Variants in MANBA observed in about 807,000 individuals in gnomAD.
The protein encoded by MANBA is mannosidase beta, also known as beta-mannosidase.
A neutral mutation model predicts 111.1 loss-of-function variants in MANBA; 83 were observed. That is an observed-to-expected ratio of 0.75 (90% CI 0.63 to 0.90). The LOEUF (loss-of-function observed/expected upper bound fraction) is 0.90. Ranked by LOEUF, MANBA falls within the 40% of genes least tolerant of loss-of-function variation. MANBA has a pLI of 0.00. For synonymous variants in MANBA, 370 were observed against 378.7 expected, an observed-to-expected ratio of 0.98 and a Z score of 0.27; for missense variants, 1,036 against 1,069.0, an observed-to-expected ratio of 0.97 and a Z score of 0.43.
At chr4:102,742,731 T>C (rs888134000) in intron 1 of MANBA, among the ~76,000 whole-genome samples, 6 of 152,170 alleles carry the variant, frequency 3.9e-5, no homozygotes, top group African/African-American at 7.2e-5. Context: ...GGCAGAAGCA[T>C]TGCGTGCAGG....
At chr4:102,737,048 G>A (rs1012424178) in intron 1 of MANBA, among the ~76,000 whole-genome samples, 18 of 152,132 alleles carry the variant, frequency 1.2e-4, no homozygotes, top group African/African-American at 2.9e-4. Context: ...AAGAAGCACC[G>A]GAAAGAGCGA....
At chr4:102,657,486 C>T (rs1730616259) in intron 12 of MANBA, among the ~76,000 whole-genome samples, 196 bp downstream of exon 12, 2 of 152,090 alleles carry the variant, frequency 1.3e-5, no homozygotes, top group African/African-American at 4.8e-5. Context: ...TTTCGGTGCT[C>T]CTGAAGGAAC....
chr4:102,713,098 T>A (rs1003241439), intron 5 of MANBA, among the ~76,000 whole-genome samples: 1 of 152,214 alleles, frequency 6.6e-6, no homozygotes, highest in African/African-American at 2.4e-5. Context: ...AATCTAAGCA[T>A]CTATCATTTG....
chr4:102,680,189 G>T (rs73836823), intron 7 of MANBA, among the ~76,000 whole-genome samples: 8,020 of 152,028 alleles, frequency 0.053, 631 homozygotes, highest in African/African-American at 0.18. Context: ...CTTATATTTT[G>T]TTGTTGCACA....
intron 13 of MANBA, among the ~76,000 whole-genome samples, chr4:102,647,233 C>A (rs1730143047): frequency 6.8e-6 from 1 of 148,042 alleles, no homozygotes. Flanking sequence ...TGATTTCTTT[C>A]ATCACAGATA....
Position 102,640,989 on chromosome 4 carries a change from C to T in MANBA, c.1870-1132G>A, listed in dbSNP as rs569637652. Among the ~76,000 whole-genome samples, 7 of 152,270 alleles carry T rather than the reference C, an allele frequency of 4.6e-5. No homozygotes were observed. The South Asian group carries it at 1.0e-3, about 23-fold the overall frequency. Reference sequence around the variant, plus strand: ...TGCCAGAAAAAAATGATACAGCCCACCATATGGAGCTTATCAGCTTGTGTA... The same window carrying T: ...TGCCAGAAAAAAATGATACAGCCCATCATATGGAGCTTATCAGCTTGTGTA... On this transcript the variant is annotated intron_variant, in intron 13 of 16. Transcript: ENST00000647097.
At chr4:102,685,237 A>G (rs759324371) in intron 7 of MANBA, among the ~76,000 whole-genome samples, 33 of 152,018 alleles carry the variant, frequency 2.2e-4, no homozygotes, top group South Asian at 4.1e-4. Context: ...CTGAGTGTTC[A>G]TTTTCTCATA....
chr4:102,712,394 A>C (rs1247524647), intron 5 of MANBA, among the ~76,000 whole-genome samples: 3 of 152,246 alleles, frequency 2.0e-5, no homozygotes, highest in Non-Finnish European at 4.4e-5. Flanking sequence ...TTGTAAATTA[A>C]ACCAGAGCAG....
chr4:102,719,016 T>G lies in MANBA; in HGVS notation c.549+3855A>C, dbSNP rs111358269. 7.6e-4 allele frequency among the ~76,000 whole-genome samples: 116 copies of G among 152,304 alleles called. 1 individual carries two copies. Among genetic ancestry groups the G allele is most frequent in the African/African-American group, 2.6e-3 (110 of 41,548 alleles). ...ATGTCCCGCTGTGCAAACATTGTCT[T>G]GATAAGCATCTTAACAGGAAACAGG... On this transcript the variant is annotated intron_variant, in intron 4 of 16. Transcript: ENST00000647097.
chr4:102,687,203 T>A lies in MANBA; in HGVS notation c.960+2371A>T, dbSNP rs1732256670. Among the ~76,000 whole-genome samples, 11 of 152,132 alleles carry A rather than the reference T, an allele frequency of 7.2e-5. No individual in the cohort carries two copies. In the South Asian group the frequency reaches 2.3e-3, roughly 32 times the overall value. On this transcript the variant is annotated intron_variant, in intron 7 of 16. Transcript: ENST00000647097. ...CATCATCAAGCCTGCTGAGGTTATA[T>A]CCTAAATCTCTTTCAGATTTATTTC... is the stretch of plus-strand genomic sequence containing the variant.
intron 7 of MANBA, among the ~76,000 whole-genome samples, chr4:102,687,635 A>G (rs1001480438): frequency 2.6e-5 from 4 of 152,166 alleles, no homozygotes; most frequent in African/African-American, 9.7e-5. Flanking sequence ...CCCTCAGGAC[A>G]CAGGCTCTGG....
At chr4:102,668,755 A>T in intron 10 of MANBA, 1 of 546,344 alleles carries the variant, frequency 1.8e-6, no homozygotes, top group Non-Finnish European at 3.3e-6. Flanking sequence ...AGAAATCAGG[A>T]CTGGGGATAA....
intron 13 of MANBA, among the ~76,000 whole-genome samples, chr4:102,642,785 T>C (rs1456420121): frequency 6.6e-6 from 1 of 152,022 alleles, no homozygotes; most frequent in Non-Finnish European, 1.5e-5. Flanking sequence ...AAAACCAATA[T>C]CCCTTTCCTC....
At chr4:102,671,130 C>A in intron 9 of MANBA, 151 bp downstream of exon 9, 1 of 641,448 alleles carries the variant, frequency 1.6e-6, no homozygotes, top group Non-Finnish European at 2.9e-6. Flanking sequence ...ACCTATGGCT[C>A]TTGGTTTACA....
At chr4:102,727,538 T>C in intron 1 of MANBA, 1 of 1,601,646 alleles carries the variant, frequency 6.2e-7, no homozygotes, top group East Asian at 2.2e-5. Flanking sequence ...AGCTGCTGGT[T>C]TAGCTGAATT....
At chr4:102,758,276 A>C (rs548730210) in intron 1 of MANBA, among the ~76,000 whole-genome samples, 2 of 152,332 alleles carry the variant, frequency 1.3e-5, no homozygotes, top group Non-Finnish European at 2.9e-5. Context: ...ACTCGATTTC[A>C]AGTACTTAGA....
At chr4:102,670,049 G>T (rs1731421738) in intron 9 of MANBA, among the ~76,000 whole-genome samples, 1 of 151,726 alleles carries the variant, frequency 6.6e-6, no homozygotes, top group Non-Finnish European at 1.5e-5. Flanking sequence ...CAGCTACTTG[G>T]TAGGCTGAGG....
intron 1 of MANBA, 50 bp from the exon 2 acceptor site, chr4:102,726,733 AAATT>A (rs781350372): frequency 3.5e-6 from 3 of 855,490 alleles, no homozygotes; most frequent in South Asian, 2.8e-5. Context: ...ATGCACAAAT[AAATT>A]AATAAAACAA....
At chr4:102,704,773 C>T (rs1733223834) in intron 5 of MANBA, among the ~76,000 whole-genome samples, 1 of 151,798 alleles carries the variant, frequency 6.6e-6, no homozygotes. Context: ...AAAGGTAGAA[C>T]TCTTTTAATG....
Sources: allele counts gnomAD v4.1 joint callset (sites outside exome capture counted in the v4.1 genomes callset), GRCh38; gene constraint gnomAD v4.1.1; transcripts MANE v1.5; gene names NCBI Gene and HGNC (gene_info 2026-07-23, HGNC 2026-07-21).